SPSB1: variants seen among roughly 807,000 people sequenced by gnomAD.
The protein encoded by SPSB1 is splA/ryanodine receptor domain and SOCS box containing 1.
SPSB1 carries 8 observed loss-of-function variants against 21.2 expected under a neutral mutation model. The ratio of observed to expected loss-of-function variants is 0.38; its 90% confidence interval spans 0.22 to 0.68. The LOEUF is 0.68. SPSB1 is among the 30% of genes least tolerant of loss of function. SPSB1 has a pLI of 0.53. For missense variants in SPSB1, 242 were observed against 377.8 expected (o/e 0.64, Z 2.98); for synonymous variants, 169 against 161.7 (o/e 1.05, Z -0.34).
chr1:9,312,597 T>G (rs1639541655), intron 1 of SPSB1, among the ~76,000 whole-genome samples: 1 of 152,176 alleles, frequency 6.6e-6, no homozygotes, highest in South Asian at 2.1e-4. Context: ...CTCCCAAGTT[T>G]CCTGAGTGCT....
chr1:9,343,065 A>G (rs1410916726), intron 1 of SPSB1, among the ~76,000 whole-genome samples: 3 of 152,066 alleles, frequency 2.0e-5, no homozygotes, highest in African/African-American at 7.2e-5. Flanking sequence ...TCATCCATTT[A>G]TGTGTTTTGT....
At chr1:9,323,318 C>G (rs1188157155) in intron 1 of SPSB1, among the ~76,000 whole-genome samples, 1 of 152,206 alleles carries the variant, frequency 6.6e-6, no homozygotes, top group Non-Finnish European at 1.5e-5. Flanking sequence ...TGGCCCCAGC[C>G]CCTTGGCGGG....
intron 1 of SPSB1, among the ~76,000 whole-genome samples, chr1:9,301,764 A>G (rs188190087): frequency 2.3e-4 from 35 of 152,308 alleles, no homozygotes; most frequent in African/African-American, 8.4e-4. Flanking sequence ...GGCTATGGCT[A>G]CCACTGGCTG....
At chr1:9,316,255 A>G (rs1639611040) in intron 1 of SPSB1, among the ~76,000 whole-genome samples, 1 of 152,130 alleles carries the variant, frequency 6.6e-6, no homozygotes, top group African/African-American at 2.4e-5. Context: ...TGGCCTGGGA[A>G]GGAGACCCTC....
At chr1:9,329,071 C>T (rs1416139885) in intron 1 of SPSB1, among the ~76,000 whole-genome samples, 2 of 152,198 alleles carry the variant, frequency 1.3e-5, no homozygotes, top group East Asian at 3.8e-4. Flanking sequence ...CTTGCTGGAG[C>T]TCTGGCAGAT....
chr1:9,365,980 C>T (rs1334371181), intron 2 of SPSB1, among the ~76,000 whole-genome samples: 3 of 152,220 alleles, frequency 2.0e-5, no homozygotes, highest in East Asian at 1.9e-4. Context: ...AGCAGGGCCG[C>T]GCAGCCTTCC....
chr1:9,336,225 C>T (rs1219916026), intron 1 of SPSB1, among the ~76,000 whole-genome samples: 1 of 152,086 alleles, frequency 6.6e-6, no homozygotes, highest in Non-Finnish European at 1.5e-5. Context: ...TCTAATTTTT[C>T]CTCCTGGTTC....
intron 2 of SPSB1, among the ~76,000 whole-genome samples, chr1:9,361,156 C>CTTTTTTTTTTTTTTTTTTTTTTTTTTTT (rs57871457): frequency 6.8e-5 from 7 of 102,576 alleles, no homozygotes; most frequent in African/African-American, 2.5e-4. Flanking sequence ...CTGTCATTTT[C>CTTTTTTTTTTTTTTTTTTTTTTTTTTTT]TTTTTTTTTT....
At chr1:9,303,993 G>A (rs1639373245) in intron 1 of SPSB1, among the ~76,000 whole-genome samples, 1 of 152,220 alleles carries the variant, frequency 6.6e-6, no homozygotes, top group African/African-American at 2.4e-5. Flanking sequence ...GTCTGTGAGG[G>A]TGTTTTTGGC....
chr1:9,349,110 T>C (rs1347993184), intron 1 of SPSB1, among the ~76,000 whole-genome samples: 1 of 152,102 alleles, frequency 6.6e-6, no homozygotes, highest in Non-Finnish European at 1.5e-5. Context: ...CCAGAGCTTT[T>C]AATGGCCTTC....
intron 1 of SPSB1, among the ~76,000 whole-genome samples, chr1:9,354,095 C>A (rs1472179801): frequency 6.6e-6 from 1 of 152,144 alleles, no homozygotes; most frequent in Non-Finnish European, 1.5e-5. Flanking sequence ...GGGGCCTCTT[C>A]CCAGCTGAGA....
At chr1:9,364,904 T>TG (rs1184936714) in intron 2 of SPSB1, among the ~76,000 whole-genome samples, 1 of 152,100 alleles carries the variant, frequency 6.6e-6, no homozygotes, top group African/African-American at 2.4e-5. Context: ...CAGGCTGGAG[T>TG]GCGATGGTGT....
intron 1 of SPSB1, among the ~76,000 whole-genome samples, chr1:9,303,876 TTGA>T (rs1388156320): frequency 6.6e-6 from 1 of 152,220 alleles, no homozygotes; most frequent in Non-Finnish European, 1.5e-5. Flanking sequence ...TGGTAAAGCA[TTGA>T]TGATTCTCAA....
At chr1:9,323,851 A>G (rs1024040931) in intron 1 of SPSB1, among the ~76,000 whole-genome samples, 1 of 152,198 alleles carries the variant, frequency 6.6e-6, no homozygotes, top group African/African-American at 2.4e-5. Flanking sequence ...GGGCTGTGCC[A>G]TGTGGGACCT....
intron 1 of SPSB1, among the ~76,000 whole-genome samples, chr1:9,330,238 C>A (rs558111058): frequency 3.1e-4 from 47 of 152,232 alleles, no homozygotes; most frequent in Non-Finnish European, 5.1e-4. Flanking sequence ...GAGACTGAGG[C>A]GGGCGGATCA....
rs115315451 is a variant in SPSB1, at chr1:9,305,486, T to C, written c.-150+12415T>C. Among the ~76,000 whole-genome samples the C allele has an allele frequency of 0.032, 4,924 of 152,188 alleles. 116 individuals carry two copies. The highest frequency in any genetic ancestry group is 0.048 in the Non-Finnish European group (3,231 of 68,000). The stretch of plus-strand genomic sequence containing the variant: ...GAGTCCCCAGTAGTTAGGTCCACAG[T>C]AGGTTCTTGGACACCTGTCGGATGA... On this transcript the variant is annotated intron_variant, in intron 1 of 2. Coordinates refer to ENST00000328089, the MANE Select transcript of SPSB1 (RefSeq NM_025106.4). The surrounding 1 kb of genome is among the most constrained non-coding windows in gnomAD (Gnocchi z 4.8).
intron 1 of SPSB1, among the ~76,000 whole-genome samples, chr1:9,329,802 G>A (rs1259096813): frequency 3.3e-5 from 5 of 152,126 alleles, no homozygotes; most frequent in East Asian, 1.9e-4. Flanking sequence ...CGGTGGGGCC[G>A]TGGGGATGGT....
chr1:9,365,793 G>A (rs1399069588), intron 2 of SPSB1, among the ~76,000 whole-genome samples: 1 of 152,154 alleles, frequency 6.6e-6, no homozygotes, highest in Non-Finnish European at 1.5e-5. Context: ...GGGCTATTTT[G>A]CTCACAAAGG....
At chr1:9,338,144 C>G (rs762161189) in intron 1 of SPSB1, among the ~76,000 whole-genome samples, 1 of 152,222 alleles carries the variant, frequency 6.6e-6, no homozygotes, top group Non-Finnish European at 1.5e-5. Context: ...TCCCCTCGCT[C>G]CTCCCCCCAG....
Sources: allele counts gnomAD v4.1 joint callset (sites outside exome capture counted in the v4.1 genomes callset), GRCh38; gene constraint gnomAD v4.1.1; non-coding constraint Gnocchi (gnomAD v3.1); transcripts MANE v1.5; gene names NCBI Gene and HGNC (gene_info 2026-07-23, HGNC 2026-07-21).